PRR5: variants seen among roughly 807,000 people sequenced by gnomAD.
PRR5 encodes proline rich 5, also known as proline-rich protein 5.
In PRR5, 25 loss-of-function variants were observed where a neutral mutation model predicts 30.6. That is an observed-to-expected ratio of 0.82 (90% CI 0.60 to 1.14). The LOEUF (loss-of-function observed/expected upper bound fraction) is 1.14, where lower values mean the gene tolerates loss of function less well. Ranked by LOEUF, PRR5 falls within the 50% of genes most tolerant of loss-of-function variation. The probability of loss-of-function intolerance (pLI) is 0.00; values close to 1 mark genes in which losing one functional copy is unlikely to be tolerated. For synonymous variants in PRR5, 286 were observed against 247.1 expected (o/e 1.16, Z -1.48); for missense variants, 600 against 547.1 (o/e 1.10, Z -0.96).
chr22:44,671,670 T>C (rs12106527), intron 1 of PRR5, among the ~76,000 whole-genome samples: 7,206 of 152,216 alleles, frequency 0.047, 530 homozygotes, highest in African/African-American at 0.16. Context: ...AGTTCTCTCA[T>C]TGCAAGGTGC....
intron 6 of PRR5, among the ~76,000 whole-genome samples, chr22:44,733,204 C>T (rs968827937): frequency 1.3e-5 from 2 of 152,220 alleles, no homozygotes; most frequent in Non-Finnish European, 2.9e-5. Flanking sequence ...CCCCCAGTGG[C>T]ATCCACCGCA....
intron 2 of PRR5, among the ~76,000 whole-genome samples, chr22:44,719,089 C>CTTTT (rs5845664): frequency 2.8e-5 from 4 of 144,500 alleles, no homozygotes; most frequent in Admixed American, 1.4e-4. Flanking sequence ...TTTGCATAAT[C>CTTTT]TTTTTTTTTT....
chr22:44,735,999 T>C (rs1923169271), intron 7 of PRR5, among the ~76,000 whole-genome samples: 2 of 152,182 alleles, frequency 1.3e-5, no homozygotes, highest in Non-Finnish European at 2.9e-5. Context: ...GAAAGGCCCC[T>C]GAGCCGCTCG....
intron 1 of PRR5, among the ~76,000 whole-genome samples, chr22:44,669,935 A>G (rs1923327763): frequency 6.6e-6 from 1 of 152,104 alleles, no homozygotes; most frequent in African/African-American, 2.4e-5. Flanking sequence ...CCTGGGGGTA[A>G]GCTGGGGCTC....
At position 44,731,950 on chromosome 22, in the gene PRR5, G is replaced by T. The variant is rs1922069113; in HGVS notation, c.414+129G>T. On this transcript the variant is annotated intron_variant, in intron 5 of 7. Coordinates refer to ENST00000336985, the MANE Select transcript of PRR5 (RefSeq NM_181333.4). ...GCTCTGCTCTGTGCTGCTCTCCTTG[G>T]GCTACCTGAGTTGCTCAGAGCCTGT... 3 of 1,044,060 alleles carry T rather than the reference G, an allele frequency of 2.9e-6. No homozygotes were observed. In the East Asian group the frequency reaches 7.8e-5, roughly 27 times the overall value. 64.7% of individuals were successfully genotyped at this position (1,044,060 alleles called of 1,614,324 possible). A position where few individuals can be genotyped will look rare whatever the true frequency, so the allele number is the denominator to read the frequency against.
In PRR5 at chr22:44,702,316, C is replaced by T. The variant is rs1926444122; in HGVS notation, c.-159C>T. On this transcript the variant is annotated 5_prime_UTR_variant, in exon 1 of 8. Transcript: ENST00000336985. ...GCCGGCGCGGGACCCGAGACGGAGG[C>T]GCGGGGCCGGGGCGGGACCCCGCAG... The T allele has an allele frequency of 1.7e-6, 2 of 1,147,560 alleles. No individual in the cohort carries two copies. Among genetic ancestry groups the T allele is most frequent in the East Asian group, 3.8e-5 (1 of 26,172 alleles). 71.1% of individuals were successfully genotyped at this position (1,147,560 alleles called of 1,614,324 possible).
intron 2 of PRR5, among the ~76,000 whole-genome samples, chr22:44,723,567 A>G (rs1231310495): frequency 6.6e-6 from 1 of 151,996 alleles, no homozygotes; most frequent in Non-Finnish European, 1.5e-5. Context: ...TAAAAATACA[A>G]AAATTAGCTG....
intron 1 of PRR5, among the ~76,000 whole-genome samples, chr22:44,689,076 G>A (rs951306687): frequency 6.6e-6 from 1 of 152,174 alleles, no homozygotes; most frequent in Non-Finnish European, 1.5e-5. Context: ...CATAGAAGAT[G>A]TTTGTAATTT....
intron 2 of PRR5, among the ~76,000 whole-genome samples, chr22:44,716,218 G>A (rs1035970981): frequency 2.0e-5 from 3 of 152,202 alleles, no homozygotes; most frequent in Non-Finnish European, 4.4e-5. Flanking sequence ...CCAAGAAATG[G>A]GTAAAAATCG....
intron 1 of PRR5, among the ~76,000 whole-genome samples, chr22:44,696,704 G>C (rs1389629170): frequency 7.3e-6 from 1 of 136,152 alleles, no homozygotes; most frequent in South Asian, 2.3e-4. Flanking sequence ...GTGGGACCAA[G>C]GAAGACATGA....
chr22:44,722,991 T>C (rs1930170124), intron 2 of PRR5, among the ~76,000 whole-genome samples: 1 of 76,504 alleles, frequency 1.3e-5, no homozygotes. Flanking sequence ...AACTTTTCTT[T>C]TTTTTTTTTT....
At chr22:44,703,298 G>T (rs895841517) in intron 1 of PRR5, among the ~76,000 whole-genome samples, 32 of 150,510 alleles carry the variant, frequency 2.1e-4, no homozygotes, top group African/African-American at 7.8e-4. Flanking sequence ...AGAAAGTGAG[G>T]CAGGCTGTTC....
chr22:44,675,242 G>T (rs1282778619), upstream of PRR5, among the ~76,000 whole-genome samples: 1 of 131,438 alleles, frequency 7.6e-6, no homozygotes, highest in Non-Finnish European at 1.6e-5. Context: ...AGAGCAAGAC[G>T]CTGTCTCAAA....
intron 1 of PRR5, among the ~76,000 whole-genome samples, chr22:44,713,108 T>C (rs1017135740): frequency 6.6e-6 from 1 of 150,944 alleles, no homozygotes; most frequent in Non-Finnish European, 1.5e-5. Flanking sequence ...TGCCCGGGAG[T>C]GTGGGGAGGG....
intron 2 of PRR5, among the ~76,000 whole-genome samples, chr22:44,724,783 T>G (rs961021441): frequency 6.6e-6 from 1 of 152,096 alleles, no homozygotes; most frequent in African/African-American, 2.4e-5. Context: ...TGCGGCTGGG[T>G]TGGTGAAGAC....
In PRR5 at chr22:44,729,285, C is replaced by T. The variant is rs762687132; in HGVS notation, c.323-2445C>T. The T allele has an allele frequency of 2.9e-5, 27 of 939,422 alleles. No homozygotes were observed. In the African/African-American group the frequency reaches 3.6e-4, roughly 12 times the overall value. 58.2% of individuals were successfully genotyped at this position (939,422 alleles called of 1,614,324 possible). A position where few individuals can be genotyped will look rare whatever the true frequency, so the allele number is the denominator to read the frequency against. On this transcript the variant is annotated intron_variant, in intron 4 of 7. Coordinates refer to ENST00000336985, the MANE Select transcript of PRR5 (RefSeq NM_181333.4). ...TCCTCACTGTTCCTGAGTCTCCCGA[C>T]GGGCTGAAACAGGGTTGTTGGTTTG...
chr22:44,694,518 G>A (rs1925574150), intron 1 of PRR5, among the ~76,000 whole-genome samples: 1 of 152,192 alleles, frequency 6.6e-6, no homozygotes, highest in Non-Finnish European at 1.5e-5. Context: ...GGGCAATAGA[G>A]CAAGACTCCA....
chr22:44,721,230 C>T (rs1929888394), intron 2 of PRR5, among the ~76,000 whole-genome samples: 2 of 152,188 alleles, frequency 1.3e-5, no homozygotes, highest in African/African-American at 2.4e-5. Context: ...CGAAAGCACA[C>T]TCCCCAGGGT....
chr22:44,735,168 G>C lies in PRR5; in HGVS notation c.691+6G>C. The C allele has an allele frequency of 6.2e-7, 1 of 1,611,424 alleles. No homozygotes were observed. The highest frequency in any genetic ancestry group is 8.5e-7 in the Non-Finnish European group (1 of 1,179,316). On this transcript the variant is annotated splice_donor_region_variant and intron_variant, in intron 7 of 7. Transcript: ENST00000336985. ...CACCCATTCCTGCATCCTGGGTAGG[G>C]GTCCGCCTGGGCCTTGGGCTGGGGC...
Sources: gnomAD v4.1 joint callset for allele counts (sites outside exome capture counted in the v4.1 genomes callset) on GRCh38, gnomAD v4.1.1 for gene constraint, MANE v1.5 for transcripts, NCBI Gene and HGNC (gene_info 2026-07-23, HGNC 2026-07-21) for gene names.